HSPG2: variants seen among roughly 807,000 people sequenced by gnomAD.
HSPG2 encodes basement membrane-specific heparan sulfate proteoglycan core protein.
HSPG2 carries 278 observed loss-of-function variants against 526.6 expected under a neutral mutation model. The ratio of observed to expected loss-of-function variants is 0.53; its 90% CI spans 0.48 to 0.58. The LOEUF (loss-of-function observed/expected upper bound fraction) is 0.58. Among genes scored for constraint, HSPG2 ranks in the 20% least tolerant of loss-of-function variants. The probability of loss-of-function intolerance (pLI) is 0.00; values close to 1 mark genes in which losing one functional copy is unlikely to be tolerated. For synonymous variants in HSPG2, 2,465 were observed against 2,555.4 expected, an observed-to-expected ratio of 0.96 and a Z score of 1.07; for missense variants, 5,354 against 6,099.5, an observed-to-expected ratio of 0.88 and a Z score of 4.07.
chr1:21,830,939 G>C (rs1366415376), intron 85 of HSPG2, 43 bp downstream of exon 85: 4 of 1,357,896 alleles, frequency 2.9e-6, no homozygotes, highest in Non-Finnish European at 4.1e-6. Context: ...AAAGGGAAGA[G>C]GCAGGCCCTG....
Position 21,880,715 on chromosome 1 carries a change from G to C in HSPG2, c.1939C>G (p.Arg647Gly). ...LMGAGYRLLSRGHTPTQPGAL... is the reference protein window; with the variant it reads ...LMGAGYRLLSGGHTPTQPGAL... ...CCAGGTTGGGTGGGTGTGTGGCCTCGGGAGAGGAGGCGGTACCCGGCACCC... is the reference window on the plus strand; with the variant it reads ...CCAGGTTGGGTGGGTGTGTGGCCTCCGGAGAGGAGGCGGTACCCGGCACCC... The change falls in exon 15 of 97, where the codon CGA becomes GGA. Residue 647 changes from arginine to glycine, a missense_variant. Coordinates refer to ENST00000374695, the MANE Select transcript of HSPG2 (RefSeq NM_005529.7). 1 of 1,600,572 alleles carries C rather than the reference G, an allele frequency of 6.2e-7. No homozygotes were observed. Among genetic ancestry groups the C allele is most frequent in the Non-Finnish European group, 8.5e-7 (1 of 1,174,110 alleles).
At chr1:21,925,240 G>T (rs1250966734) in intron 1 of HSPG2, among the ~76,000 whole-genome samples, 1 of 152,254 alleles carries the variant, frequency 6.6e-6, no homozygotes, top group East Asian at 1.9e-4. Flanking sequence ...TCCTCAGGCA[G>T]CACTAGCTGA....
Position 21,864,893 on chromosome 1 carries a change from CGAGGGCGCGGGGTCTGTTT to C in HSPG2, c.4557_4575del (p.Asn1520ArgfsTer92). 6.2e-7 allele frequency: 1 copy of C among 1,610,622 alleles called. No homozygotes were observed. The highest frequency in any genetic ancestry group is 8.5e-7 in the Non-Finnish European group (1 of 1,179,458). ...GGCGGGCAGCGGCACTCCTCCACCT[CGAGGGCGCGGGGTCTGTTT>C]GAGGGCCCCGGCTGGGCGACCTCCA... On this transcript the variant is annotated frameshift_variant, in exon 36 of 97. Transcript: ENST00000374695. LOFTEE classifies it high-confidence loss of function. This position sits in a 1 kb window ranked among gnomAD's most constrained non-coding sequence, Gnocchi z 4.8.
At chr1:21,902,295 C>G (rs529855949) in intron 1 of HSPG2, among the ~76,000 whole-genome samples, 1 of 152,328 alleles carries the variant, frequency 6.6e-6, no homozygotes, top group East Asian at 1.9e-4. Context: ...GCTTCTCACA[C>G]AGGGGCCCCC....
At chr1:21,871,738 TAGTG>T (rs1280258465) in intron 33 of HSPG2, among the ~76,000 whole-genome samples, 1 of 152,140 alleles carries the variant, frequency 6.6e-6, no homozygotes, top group Non-Finnish European at 1.5e-5. Flanking sequence ...GCCTAGCACA[TAGTG>T]AGAGCTCAAC....
At position 21,887,788 on chromosome 1, in the gene HSPG2, C is replaced by T. The variant is rs1426371884; in HGVS notation, c.704-114G>A. On this transcript the variant is annotated intron_variant, in intron 7 of 96. Transcript: ENST00000374695. This position sits in a 1 kb window ranked among gnomAD's most constrained non-coding sequence, Gnocchi z 5.0. The stretch of plus-strand genomic sequence containing the variant: ...CTCCCCAACACCACTCCCTGCCACC[C>T]CCTGCCTGGCTCTGTCATCACCCTT... 1 of 1,560,854 alleles carries T rather than the reference C, an allele frequency of 6.4e-7. No homozygotes were observed.
chr1:21,892,331 C>T (rs539377688), intron 3 of HSPG2, among the ~76,000 whole-genome samples: 30 of 152,390 alleles, frequency 2.0e-4, no homozygotes, highest in Admixed American at 1.8e-3. Flanking sequence ...CTGGCCTCAG[C>T]CCCACGGCCC....
chr1:21,889,194 A>G (rs1356920768), intron 6 of HSPG2, among the ~76,000 whole-genome samples: 1 of 152,210 alleles, frequency 6.6e-6, no homozygotes, highest in Non-Finnish European at 1.5e-5. Context: ...AGTTCCACTG[A>G]GTCAGGGTCT....
At chr1:21,920,148 C>T (rs1299776188) in intron 1 of HSPG2, among the ~76,000 whole-genome samples, 1 of 152,232 alleles carries the variant, frequency 6.6e-6, no homozygotes, top group Non-Finnish European at 1.5e-5. Context: ...CTCGAGTGAT[C>T]CGCCAGCCTT....
At chr1:21,853,755 ATAAAATAAAATAAAATAAAAT>A in intron 50 of HSPG2, 2 of 143,188 alleles carry the variant, frequency 1.4e-5, no homozygotes, top group South Asian at 1.6e-4. Context: ...TCTCAAAAAA[ATAAAATAAAATAAAATAAAAT>A]AAAATAAAAT....
chr1:21,827,232 T>C (rs2097980247), intron 91 of HSPG2, among the ~76,000 whole-genome samples: 1 of 152,166 alleles, frequency 6.6e-6, no homozygotes. Context: ...TAAGTAATTT[T>C]ACTCTCACAT....
In HSPG2 at chr1:21,887,420, C is replaced by T. The variant is rs780370430; in HGVS notation, c.958G>A (p.Gly320Ser). ...CEDGSDELDC[G>S]PPPPCEPNEF... ...CACCTGCACCCCTGCCGGTGCGCAC[C>T]ACAGTCTAGCTCATCGCTGCCGTCC... The change falls in exon 8 of 97, where the codon GGC (glycine) becomes AGC (serine). Residue 320 changes from glycine to serine, a missense_variant and splice_region_variant. Gly to Ser is a moderately conservative substitution (Grantham distance 56). Transcript: ENST00000374695. This position sits in a 1 kb window ranked among gnomAD's most constrained non-coding sequence, Gnocchi z 5.0. 4 of 1,614,038 alleles carry T rather than the reference C, an allele frequency of 2.5e-6. No homozygotes were observed. In the South Asian group the frequency reaches 4.4e-5, roughly 18 times the overall value.
rs751202082 is a variant in HSPG2, at chr1:21,896,234, C to A, written c.140G>T (p.Arg47Leu). The change falls in exon 2 of 97, where the codon CGC becomes CTC. Residue 47 changes from arginine to leucine, a missense_variant. Coordinates refer to ENST00000374695, the MANE Select transcript of HSPG2 (RefSeq NM_005529.7). ...ATCAGAAAGGTACGAATGTGTCCAG[C>A]GCATTTGGCTTGCTGTGACGGTCTC... The part of the protein sequence containing the change: ...DIETVTASQM[R>L]WTHSYLSDDE... The A allele has an allele frequency of 2.2e-5, 35 of 1,613,844 alleles. No homozygotes were observed. Among genetic ancestry groups the A allele is most frequent in the Non-Finnish European group, 2.9e-5 (34 of 1,179,994 alleles).
chr1:21,906,107 C>T (rs890153346), intron 1 of HSPG2, among the ~76,000 whole-genome samples: 6 of 152,214 alleles, frequency 3.9e-5, no homozygotes, highest in Non-Finnish European at 7.3e-5. Flanking sequence ...GTTGGAAGAA[C>T]CAAGACTTGA....
At position 21,859,971 on chromosome 1, in the gene HSPG2, A is replaced by G. The variant is rs1353740703; in HGVS notation, c.5046T>C (p.His1682=). The change falls in exon 41 of 97, where the codon CAT becomes CAC. Residue 1682 remains histidine (H), a synonymous_variant. Coordinates refer to ENST00000374695, the MANE Select transcript of HSPG2 (RefSeq NM_005529.7). The surrounding 1 kb of genome is among the most constrained non-coding windows in gnomAD (Gnocchi z 5.3). ...TNQAPLVVEV[H]PARSIVPQGG... ...CTTGGGGCACTATGCTTCGAGCAGG[A>G]TGGACCTCGACCACCAGTGGGGCTT... is the stretch of plus-strand genomic sequence containing the variant. 1 of 1,610,930 alleles carries G rather than the reference A, an allele frequency of 6.2e-7. No individual in the cohort carries two copies. The highest frequency in any genetic ancestry group is 8.5e-7 in the Non-Finnish European group (1 of 1,179,386).
At position 21,877,074 on chromosome 1, in the gene HSPG2, AAAG is replaced by A. The variant is rs1370260779; in HGVS notation, c.2686-425_2686-423del. Among the ~76,000 whole-genome samples, 596 of 119,584 alleles carry A rather than the reference AAAG, an allele frequency of 5.0e-3. 2 individuals carry two copies. The highest frequency in any genetic ancestry group is 8.4e-3 in the Non-Finnish European group (448 of 53,290). The allele number at this position is 119,584 out of a possible 152,430, so 78.5% of individuals were successfully genotyped here. A position where few individuals can be genotyped will look rare whatever the true frequency, so the allele number is the denominator to read the frequency against. Reference sequence around the variant, plus strand: ...GACTCCATCTCAAAAAAAAAAAAAAAAAGAAAAGAAAAGAAAAGAAAGAGCACA... The same window carrying A: ...GACTCCATCTCAAAAAAAAAAAAAAAAAAAGAAAAGAAAAGAAAGAGCACA... On this transcript the variant is annotated intron_variant, in intron 21 of 96. Coordinates refer to ENST00000374695, the MANE Select transcript of HSPG2 (RefSeq NM_005529.7).
chr1:21,891,331 T>C (rs1642345288), intron 3 of HSPG2, among the ~76,000 whole-genome samples: 1 of 152,260 alleles, frequency 6.6e-6, no homozygotes, highest in African/African-American at 2.4e-5. Flanking sequence ...ATTGACTGCA[T>C]GTACCACCTG....
chr1:21,828,483 G>A lies in HSPG2; in HGVS notation c.12238-57C>T. On this transcript the variant is annotated intron_variant, in intron 88 of 96. Coordinates refer to ENST00000374695, the MANE Select transcript of HSPG2 (RefSeq NM_005529.7). The surrounding 1 kb of genome is among the most constrained non-coding windows in gnomAD (Gnocchi z 6.0). ...GGGCCTGGGAGGCAGAGACCCAGGTGTACCAGCAGGGAGAAGAATGCAGCA... is the reference window on the plus strand; with the variant it reads ...GGGCCTGGGAGGCAGAGACCCAGGTATACCAGCAGGGAGAAGAATGCAGCA... The A allele has an allele frequency of 3.2e-6, 5 of 1,562,356 alleles. No individual in the cohort carries two copies. Among genetic ancestry groups the A allele is most frequent in the Middle Eastern group, 1.7e-4 (1 of 5,956 alleles).
intron 1 of HSPG2, among the ~76,000 whole-genome samples, chr1:21,920,380 C>T (rs1409599019): frequency 3.9e-5 from 6 of 152,210 alleles, no homozygotes; most frequent in African/African-American, 1.4e-4. Context: ...CAGCCACAGG[C>T]GTGGAGCTGA....
Sources: allele counts gnomAD v4.1 joint callset (sites outside exome capture counted in the v4.1 genomes callset), GRCh38; gene constraint gnomAD v4.1.1; non-coding constraint Gnocchi (gnomAD v3.1); transcripts MANE v1.5; gene names NCBI Gene and HGNC (gene_info 2026-07-23, HGNC 2026-07-21).